EEFSEC: variants seen among roughly 807,000 people sequenced by gnomAD.
The protein encoded by EEFSEC is selenocysteine-specific elongation factor.
Under a neutral mutation model 42.1 loss-of-function variants are expected in EEFSEC, and 43 were observed. The ratio of observed to expected loss-of-function variants is 1.02; its 90% confidence interval spans 0.80 to 1.32. The LOEUF is 1.32. Ranked by LOEUF, EEFSEC falls within the 40% of genes most tolerant of loss-of-function variation. The probability of loss-of-function intolerance (pLI) is 0.00; values close to 1 mark genes in which losing one functional copy is unlikely to be tolerated. For synonymous variants in EEFSEC, 354 were observed against 339.1 expected (o/e 1.04, Z -0.48); for missense variants, 745 against 803.6 (o/e 0.93, Z 0.88).
chr3:128,387,961 G>A (rs1427901487), intron 6 of EEFSEC, among the ~76,000 whole-genome samples: 1 of 152,174 alleles, frequency 6.6e-6, no homozygotes, highest in Admixed American at 6.5e-5. Context: ...TAGGCATGAG[G>A]GTGCCACGAG....
intron 1 of EEFSEC, among the ~76,000 whole-genome samples, chr3:128,155,095 A>G (rs1315185346): frequency 6.6e-6 from 1 of 152,112 alleles, no homozygotes; most frequent in Non-Finnish European, 1.5e-5. Flanking sequence ...GCAAATGAAA[A>G]GACCCGTTTT....
chr3:128,291,904 T>C (rs552074003), intron 4 of EEFSEC, among the ~76,000 whole-genome samples: 3 of 152,344 alleles, frequency 2.0e-5, no homozygotes, highest in South Asian at 2.1e-4. Context: ...CTATTAAATA[T>C]GTTAGCTGTG....
chr3:128,218,713 G>A (rs1279351210), intron 1 of EEFSEC, among the ~76,000 whole-genome samples: 1 of 152,172 alleles, frequency 6.6e-6, no homozygotes, highest in East Asian at 1.9e-4. Flanking sequence ...TGACGGGCTA[G>A]TAAAGAAGCT....
rs967082687 is a variant in EEFSEC, at chr3:128,317,630, G to A, written c.787-23603G>A. Among the ~76,000 whole-genome samples, 3 of 152,164 alleles carry A rather than the reference G, an allele frequency of 2.0e-5. No individual in the cohort carries two copies. Among genetic ancestry groups the A allele is most frequent in the Non-Finnish European group, 1.5e-5 (1 of 68,026 alleles). Reference sequence around the variant, plus strand: ...TCCTCACCCCTGTGTGGCATCTCACGGTATTCATCTGCCGGCAGAGGAGAG... The same window carrying A: ...TCCTCACCCCTGTGTGGCATCTCACAGTATTCATCTGCCGGCAGAGGAGAG... On this transcript the variant is annotated intron_variant, in intron 4 of 6. Coordinates refer to ENST00000254730, the MANE Select transcript of EEFSEC (RefSeq NM_021937.5). The surrounding 1 kb of genome is among the most constrained non-coding windows in gnomAD (Gnocchi z 4.1).
intron 4 of EEFSEC, among the ~76,000 whole-genome samples, chr3:128,306,749 C>G (rs901250959): frequency 6.6e-6 from 1 of 152,236 alleles, no homozygotes; most frequent in Non-Finnish European, 1.5e-5. Context: ...TCACGTAAAG[C>G]TATCCTTTCA....
intron 5 of EEFSEC, among the ~76,000 whole-genome samples, chr3:128,343,998 T>G (rs574018803): frequency 6.6e-6 from 1 of 152,260 alleles, no homozygotes; most frequent in South Asian, 2.1e-4. Flanking sequence ...AGAGGTGAGA[T>G]CCTATGAGCC....
intron 6 of EEFSEC, among the ~76,000 whole-genome samples, chr3:128,359,013 T>TA (rs1232087438): frequency 6.6e-6 from 1 of 152,208 alleles, no homozygotes; most frequent in Non-Finnish European, 1.5e-5. Flanking sequence ...ATATGGAGCT[T>TA]ACAGTTGTAG....
At chr3:128,232,977 C>G (rs964970200) in intron 1 of EEFSEC, among the ~76,000 whole-genome samples, 3 of 152,336 alleles carry the variant, frequency 2.0e-5, no homozygotes, top group Admixed American at 1.3e-4. Context: ...TCTTGTCCTC[C>G]CAGTGATCAG....
rs538561878 is a variant in EEFSEC, at chr3:128,199,130, C to G, written c.316+45307C>G. Among the ~76,000 whole-genome samples, 5 of 152,260 alleles carry G rather than the reference C, an allele frequency of 3.3e-5. No homozygotes were observed. In the South Asian group the frequency reaches 1.0e-3, roughly 32 times the overall value. ...TACAGGCTTGAGCTACCACACCTGG[C>G]CTGTGTGTATGTTTTTTCAAGTGTG... On this transcript the variant is annotated intron_variant, in intron 1 of 6. Transcript: ENST00000254730.
At chr3:128,272,929 C>T (rs939699853) in intron 4 of EEFSEC, among the ~76,000 whole-genome samples, 1 of 152,208 alleles carries the variant, frequency 6.6e-6, no homozygotes, top group Non-Finnish European at 1.5e-5. Context: ...ACCATCACAG[C>T]TCAGGTGCTG....
In EEFSEC at chr3:128,347,218, G is replaced by A. The variant is rs146536796; in HGVS notation, c.1443+5329G>A. On this transcript the variant is annotated intron_variant, in intron 5 of 6. Coordinates refer to ENST00000254730, the MANE Select transcript of EEFSEC (RefSeq NM_021937.5). ...ATTTGATTTTTTCACATAAGTCCAC[G>A]TGTACTTCTATAAGAGTGTGACTTG... 4.5e-3 allele frequency among the ~76,000 whole-genome samples: 688 copies of A among 151,778 alleles called. 4 individuals are homozygous for A. Among genetic ancestry groups the A allele is most frequent in the African/African-American group, 0.015 (603 of 41,348 alleles).
chr3:128,155,031 C>A (rs1016689627), intron 1 of EEFSEC, among the ~76,000 whole-genome samples: 1 of 152,138 alleles, frequency 6.6e-6, no homozygotes, highest in Non-Finnish European at 1.5e-5. Context: ...ACAAATAAGA[C>A]AAACATTCCC....
At chr3:128,253,764 A>G (rs973570886) in intron 2 of EEFSEC, among the ~76,000 whole-genome samples, 3 of 151,936 alleles carry the variant, frequency 2.0e-5, no homozygotes, top group Non-Finnish European at 4.4e-5. Flanking sequence ...AAGCCCCGCT[A>G]CTTCTGTGGG....
chr3:128,400,837 C>T (rs1388988565), intron 6 of EEFSEC, among the ~76,000 whole-genome samples: 1 of 152,214 alleles, frequency 6.6e-6, no homozygotes, highest in African/African-American at 2.4e-5. Context: ...TACCCCAGCC[C>T]AAGCCAGGAC....
At chr3:128,241,774 G>A (rs906638657) in intron 1 of EEFSEC, among the ~76,000 whole-genome samples, 1 of 152,188 alleles carries the variant, frequency 6.6e-6, no homozygotes, top group East Asian at 1.9e-4. Flanking sequence ...TATAATTGAG[G>A]ATTTCATATG....
intron 4 of EEFSEC, among the ~76,000 whole-genome samples, chr3:128,340,766 C>T (rs1339481570): frequency 6.6e-6 from 1 of 152,086 alleles, no homozygotes; most frequent in Non-Finnish European, 1.5e-5. Flanking sequence ...GTGTTTGTCC[C>T]GGGCTTTAGA....
intron 1 of EEFSEC, among the ~76,000 whole-genome samples, chr3:128,180,813 G>A (rs935827385): frequency 6.6e-6 from 1 of 152,242 alleles, no homozygotes; most frequent in Admixed American, 6.5e-5. Context: ...GAACCTGGTG[G>A]TACAGCAGGA....
Position 128,164,283 on chromosome 3 carries a change from G to A in EEFSEC, c.316+10460G>A, listed in dbSNP as rs983064838. On this transcript the variant is annotated intron_variant, in intron 1 of 6. Coordinates refer to ENST00000254730, the MANE Select transcript of EEFSEC (RefSeq NM_021937.5). Reference sequence around the variant, plus strand: ...CTGTGTTCAAGGGGCTCACAGTCCCGAGTAGGGAGGAGGAAGCCAGGCAGT... The same window carrying A: ...CTGTGTTCAAGGGGCTCACAGTCCCAAGTAGGGAGGAGGAAGCCAGGCAGT... 3.3e-5 allele frequency among the ~76,000 whole-genome samples: 5 copies of A among 152,328 alleles called. 1 individual carries two copies. The highest frequency in any genetic ancestry group is 4.1e-4 in the South Asian group (2 of 4,822).
intron 1 of EEFSEC, among the ~76,000 whole-genome samples, chr3:128,221,764 G>A (rs900996225): frequency 6.6e-6 from 1 of 152,016 alleles, no homozygotes; most frequent in Non-Finnish European, 1.5e-5. Flanking sequence ...TCAGATCCTG[G>A]AAACTAGAAA....
Sources: gnomAD v4.1 joint callset for allele counts (sites outside exome capture counted in the v4.1 genomes callset) on GRCh38, gnomAD v4.1.1 for gene constraint, Gnocchi (gnomAD v3.1) non-coding constraint, MANE v1.5 for transcripts, NCBI Gene and HGNC (gene_info 2026-07-23, HGNC 2026-07-21) for gene names.